Variants in USP42 observed in about 807,000 individuals in gnomAD.
USP42 encodes ubiquitin carboxyl-terminal hydrolase 42.
A neutral mutation model predicts 113.0 loss-of-function variants in USP42; 23 were observed. The observed-to-expected ratio is 0.20, with a 90% CI of 0.15 to 0.29. USP42 has a LOEUF of 0.29. Among genes scored for constraint, USP42 ranks in the 10% least tolerant of loss-of-function variants. The pLI is 1.00. For synonymous variants in USP42, 933 were observed against 699.0 expected, an observed-to-expected ratio of 1.33 and a Z score of -5.28; for missense variants, 2,174 against 1,779.8, an observed-to-expected ratio of 1.22 and a Z score of -3.99.
chr7:6,120,871 A>G (rs897587955), intron 3 of USP42, among the ~76,000 whole-genome samples: 4 of 152,240 alleles, frequency 2.6e-5, no homozygotes, highest in Admixed American at 2.0e-4. Context: ...GGGGTGAGCC[A>G]CTGCACCCGG....
chr7:6,152,597 C>A (rs1583681195), intron 14 of USP42, among the ~76,000 whole-genome samples: 1 of 152,170 alleles, frequency 6.6e-6, no homozygotes, highest in African/African-American at 2.4e-5. Flanking sequence ...ACACTCATTC[C>A]CAACCTAAGG....
At chr7:6,085,391 C>G in the USP42 span, 3 of 150,704 alleles carry the variant, frequency 2.0e-5, no homozygotes, top group Non-Finnish European at 4.4e-5. Flanking sequence ...TCCCAAAATC[C>G]TGGGATTTTA....
At position 6,156,965 on chromosome 7, in the gene USP42, C is replaced by G. The variant is rs1279693930; in HGVS notation, c.3853C>G (p.Leu1285Val). 1 of 1,613,902 alleles carries G rather than the reference C, an allele frequency of 6.2e-7. No homozygotes were observed. The highest frequency in any genetic ancestry group is 1.1e-5 in the South Asian group (1 of 91,060). Residue 1285 changes from leucine (L) to valine (V), a missense_variant, in exon 16 of 18, where the codon CTG (leucine) becomes GTG (valine). By Grantham distance (32) the Leu-to-Val change is conservative. Transcript: ENST00000306177. ...CTTTCCTCTCTCTGGTGGCCCGCCT[C>G]TGGAAGGCGTCGGACCTTTCCGTGA... Reference protein sequence around the residue: ...GGFPLSGGPPLEGVGPFREKT... With the variant: ...GGFPLSGGPPVEGVGPFREKT...
chr7:6,101,948 T>C (rs1020745696), upstream of USP42, among the ~76,000 whole-genome samples: 1 of 147,792 alleles, frequency 6.8e-6, no homozygotes, highest in African/African-American at 2.6e-5. Flanking sequence ...ATTAGCCGGG[T>C]ACAGTGGTGT....
chr7:6,146,336 TTAAAA>T, intron 11 of USP42, 88 bp downstream of exon 11: 1 of 781,854 alleles, frequency 1.3e-6, no homozygotes, highest in Non-Finnish European at 1.9e-6. Context: ...ATTCAGTGTT[TTAAAA>T]AAAAAAAAAA....
intron 1 of USP42, among the ~76,000 whole-genome samples, chr7:6,108,813 C>G (rs1248224645): frequency 7.2e-5 from 11 of 152,226 alleles, no homozygotes; most frequent in Admixed American, 7.2e-4. Flanking sequence ...AAGGCCATTT[C>G]TACTCCAGAG....
intron 1 of USP42, among the ~76,000 whole-genome samples, chr7:6,107,713 C>CTTTCT (rs897299198): frequency 1.8e-4 from 28 of 152,140 alleles, no homozygotes; most frequent in African/African-American, 6.0e-4. Context: ...CCGGCCTCTT[C>CTTTCT]TTTCTTTTTT....
chr7:6,094,505 G>C, the USP42 span, among the ~76,000 whole-genome samples: 2 of 151,270 alleles, frequency 1.3e-5, no homozygotes, highest in South Asian at 2.1e-4. Flanking sequence ...TTCTGTTGTG[G>C]ATGTAGAAGA....
intron 3 of USP42, among the ~76,000 whole-genome samples, chr7:6,126,699 G>A (rs1014720304): frequency 2.0e-5 from 3 of 152,084 alleles, no homozygotes; most frequent in African/African-American, 4.8e-5. Context: ...TTCTAGTTTT[G>A]GGATATCGTG....
chr7:6,111,491 G>A, intron 2 of USP42, 117 bp downstream of exon 2: 1 of 1,233,474 alleles, frequency 8.1e-7, no homozygotes, highest in Non-Finnish European at 1.1e-6. Context: ...TGAGTGGCCA[G>A]CAGAGTTGTA....
chr7:6,095,967 G>T, the USP42 span, among the ~76,000 whole-genome samples: 15 of 150,342 alleles, frequency 1.0e-4, no homozygotes, highest in Middle Eastern at 3.4e-3. Flanking sequence ...GTCTTACTGT[G>T]CTCAGGTTGG....
the USP42 span, among the ~76,000 whole-genome samples, chr7:6,095,393 G>GGT: frequency 3.3e-5 from 5 of 151,172 alleles, no homozygotes; most frequent in African/African-American, 1.2e-4. Flanking sequence ...AGAGGGGCCG[G>GGT]GTGTGGTGGC....
At chr7:6,149,081 G>A (rs1355376737) in intron 12 of USP42, among the ~76,000 whole-genome samples, 1 of 152,230 alleles carries the variant, frequency 6.6e-6, no homozygotes, top group African/African-American at 2.4e-5. Context: ...AACCTGCAGC[G>A]AGTCTCACTG....
At chr7:6,130,925 G>C (rs2128494915) in intron 3 of USP42, among the ~76,000 whole-genome samples, 1 of 152,254 alleles carries the variant, frequency 6.6e-6, no homozygotes, top group South Asian at 2.1e-4. Context: ...GTAGGGCAGG[G>C]GGAAGAATTT....
At position 6,144,200 on chromosome 7, in the gene USP42, T is replaced by C. The variant is rs749866923; in HGVS notation, c.990+4T>C. On this transcript the variant is annotated splice_donor_region_variant and intron_variant, in intron 9 of 17. Transcript: ENST00000306177. ...TACCGGTGGAAAAATTGCTAAGGTA[T>C]GTGGATGATGTCATTAATCATGTTT... The C allele has an allele frequency of 1.9e-6, 3 of 1,546,982 alleles. No homozygotes were observed. Among genetic ancestry groups the C allele is most frequent in the Non-Finnish European group, 2.6e-6 (3 of 1,135,412 alleles).
intron 3 of USP42, among the ~76,000 whole-genome samples, chr7:6,133,512 G>C (rs555783112): frequency 1.3e-5 from 2 of 152,120 alleles, no homozygotes; most frequent in East Asian, 3.9e-4. Flanking sequence ...TTTTGTTATT[G>C]TTGTTTGTTT....
At chr7:6,112,748 A>G (rs1307981766) in intron 2 of USP42, among the ~76,000 whole-genome samples, 2 of 152,016 alleles carry the variant, frequency 1.3e-5, no homozygotes, top group South Asian at 4.1e-4. Context: ...TTTTAAGCTC[A>G]TTAGCTGTCG....
chr7:6,105,871 T>C (rs1255715528), intron 1 of USP42, among the ~76,000 whole-genome samples: 3 of 152,198 alleles, frequency 2.0e-5, no homozygotes, highest in Admixed American at 6.5e-5. Context: ...TTAATGACTC[T>C]TAGGAGGCCG....
chr7:6,103,685 G>T (rs1017115102), upstream of USP42, among the ~76,000 whole-genome samples: 9 of 133,422 alleles, frequency 6.7e-5, 1 homozygote, highest in African/African-American at 2.2e-4. Context: ...ACAATCGCTT[G>T]ATCTCAGAAG....
Sources: allele counts gnomAD v4.1 joint callset (sites outside exome capture counted in the v4.1 genomes callset), GRCh38; gene constraint gnomAD v4.1.1; transcripts MANE v1.5; gene names NCBI Gene and HGNC (gene_info 2026-07-23, HGNC 2026-07-21).